The following INA variants were observed in gnomAD, a reference collection of about 807,000 sequenced individuals.
INA encodes the protein internexin neuronal intermediate filament protein alpha, also known as alpha-internexin.
Under a neutral mutation model 40.1 loss-of-function variants are expected in INA, and 35 were observed. The ratio of observed to expected loss-of-function variants is 0.87; its 90% confidence interval spans 0.67 to 1.16. The LOEUF is 1.16. INA is among the 50% of genes most tolerant of loss of function. INA has a pLI of 0.00. For synonymous variants in INA, 290 were observed against 316.9 expected (o/e 0.92, Z 0.90); for missense variants, 594 against 686.7 (o/e 0.87, Z 1.51).
intron 1 of INA, among the ~76,000 whole-genome samples, chr10:103,281,973 A>G (rs1447484126): frequency 6.6e-6 from 1 of 152,248 alleles, no homozygotes. Flanking sequence ...GGGAGGGGAC[A>G]GACTGCAGCG....
rs75831454 is a variant in INA at position 103,289,956 on chromosome 10, A to G, written c.*1287A>G. ...GGGGTCCTGCCGGAGAGGAAGAGAC[A>G]CTCAGACCAGAGAAGGGGTGTGCAT... On this transcript the variant is annotated 3_prime_UTR_variant, in exon 3 of 3. Coordinates refer to ENST00000369849, the MANE Select transcript of INA (RefSeq NM_032727.4). 5.9e-5 allele frequency: 9 copies of G among 152,802 alleles called. No individual in the cohort carries two copies. The East Asian group carries it at 1.7e-3, about 29-fold the overall frequency. 9.5% of individuals were successfully genotyped at this position (152,802 alleles called of 1,614,324 possible).
In INA at chr10:103,277,647, G is replaced by T; in HGVS notation, c.436G>T (p.Glu146Ter). The change falls in exon 1 of 3, where the codon GAG becomes TAG. Residue 146 changes from glutamate to a stop codon, truncating the protein, a stop_gained. Transcript: ENST00000369849. LOFTEE classifies it high-confidence loss of function. This position sits in a 1 kb window ranked among gnomAD's most constrained non-coding sequence, Gnocchi z 5.6. ...PSRVGELFQR[E>*]LRDLRAQLEE... ...GCGCGTCGGCGAGCTCTTCCAGCGC[G>T]AGCTGCGCGACCTGCGCGCGCAGCT... 9 of 1,407,938 alleles carry T rather than the reference G, an allele frequency of 6.4e-6. No homozygotes were observed. Among genetic ancestry groups the T allele is most frequent in the Non-Finnish European group, 8.3e-6 (9 of 1,087,886 alleles). The allele number at this position is 1,407,938 out of a possible 1,614,324, so 87.2% of individuals were successfully genotyped here.
rs2093066903 is a variant in INA, at chr10:103,278,895, G to A, written c.1065+619G>A. Among the ~76,000 whole-genome samples the A allele has an allele frequency of 1.2e-5, 1 of 81,936 alleles. No individual in the cohort carries two copies. Among genetic ancestry groups the A allele is most frequent in the Non-Finnish European group, 2.8e-5 (1 of 35,308 alleles). 53.8% of individuals were successfully genotyped at this position (81,936 alleles called of 152,430 possible). On this transcript the variant is annotated intron_variant, in intron 1 of 2. Coordinates refer to ENST00000369849, the MANE Select transcript of INA (RefSeq NM_032727.4). The surrounding 1 kb of genome is among the most constrained non-coding windows in gnomAD (Gnocchi z 4.9). The stretch of plus-strand genomic sequence containing the variant: ...ACACACACACACACACGATTCCCTT[G>A]TCCACCAGCACACACACACACACAC...
Position 103,289,137 on chromosome 10 carries a change from A to G in INA, c.*468A>G, listed in dbSNP as rs2093093812. Reference sequence around the variant, plus strand: ...CCACTCTGATAGAATTATTTCACAAATAATAGGTGTTTGTTTAATGGACAC... The same window carrying G: ...CCACTCTGATAGAATTATTTCACAAGTAATAGGTGTTTGTTTAATGGACAC... On this transcript the variant is annotated 3_prime_UTR_variant, in exon 3 of 3. Transcript: ENST00000369849. 1 of 153,336 alleles carries G rather than the reference A, an allele frequency of 6.5e-6. No individual in the cohort carries two copies. Among genetic ancestry groups the G allele is most frequent in the Non-Finnish European group, 1.5e-5 (1 of 68,692 alleles). The allele number at this position is 153,336 out of a possible 1,614,324, so 9.5% of individuals were successfully genotyped here.
Position 103,288,609 on chromosome 10 carries a change from T to C in INA, c.1440T>C (p.Ser480=), listed in dbSNP as rs1233787107. Residue 480 remains serine, a synonymous_variant, in exon 3 of 3, where the codon TCT becomes TCC. Transcript: ENST00000369849. ...FEEILEETVI[S]TKKTEKSNIE... is the part of the protein sequence containing the mutation. The stretch of plus-strand genomic sequence containing the variant: ...AAATATTAGAGGAGACAGTAATATC[T>C]ACTAAGAAAACCGAGAAATCAAATA... 1 of 1,601,554 alleles carries C rather than the reference T, an allele frequency of 6.2e-7. No homozygotes were observed. The highest frequency in any genetic ancestry group is 8.5e-7 in the Non-Finnish European group (1 of 1,176,294).
intron 1 of INA, among the ~76,000 whole-genome samples, chr10:103,284,673 G>T (rs1190965816): frequency 6.6e-6 from 1 of 151,880 alleles, no homozygotes; most frequent in African/African-American, 2.4e-5. Flanking sequence ...AGAATTACTT[G>T]AACCCAGGTG....
At chr10:103,283,005 T>A (rs1238299998) in intron 1 of INA, among the ~76,000 whole-genome samples, 1 of 152,214 alleles carries the variant, frequency 6.6e-6, no homozygotes, top group Non-Finnish European at 1.5e-5. Context: ...CATCATATAT[T>A]AATGTATATG....
intron 1 of INA, among the ~76,000 whole-genome samples, chr10:103,286,428 G>T (rs1592044801): frequency 6.6e-6 from 1 of 151,842 alleles, no homozygotes; most frequent in African/African-American, 2.4e-5. Flanking sequence ...CCATGCCTCG[G>T]TGTTTTAAAA....
chr10:103,284,130 C>T (rs771062396), intron 1 of INA, among the ~76,000 whole-genome samples: 4 of 144,908 alleles, frequency 2.8e-5, no homozygotes, highest in Non-Finnish European at 6.0e-5. Flanking sequence ...TTTTTTAAGA[C>T]GGGGTCTTGC....
At position 103,288,177 on chromosome 10, in the gene INA, C is replaced by T. The variant is rs182390135; in HGVS notation, c.1191-183C>T. 3.3e-5 allele frequency among the ~76,000 whole-genome samples: 5 copies of T among 151,980 alleles called. No homozygotes were observed. The East Asian group carries it at 5.8e-4, about 18-fold the overall frequency. On this transcript the variant is annotated intron_variant, in intron 2 of 2. Transcript: ENST00000369849. ...GGTGCTGAAGGGGGGTGTGTGTGTG[C>T]GCATGCGTATGCACGTGGTCCAACC...
At chr10:103,280,283 G>C (rs1272303682) in intron 1 of INA, 1 of 985,298 alleles carries the variant, frequency 1.0e-6, no homozygotes, top group Non-Finnish European at 1.2e-6. Context: ...GGAAGAGGAG[G>C]TCAGACAACA....
chr10:103,278,007 A>T lies in INA; in HGVS notation c.796A>T (p.Arg266Trp). ...TAAACCAGACCTGACCTCGGCTCTGAGGGAGATCCGCGCCCAGTATGAGTC... is the reference window on the plus strand; with the variant it reads ...TAAACCAGACCTGACCTCGGCTCTGTGGGAGATCCGCGCCCAGTATGAGTC... ...VAKPDLTSALREIRAQYESLA... is the reference protein window; with the variant it reads ...VAKPDLTSALWEIRAQYESLA... Residue 266 changes from arginine (R) to tryptophan (W), a missense_variant, in exon 1 of 3, where the codon AGG (arginine) becomes TGG (tryptophan). Arg to Trp is a moderately radical substitution (Grantham distance 101, BLOSUM62 -3). This residue lies in a region of INA where 379 missense variants were observed against 496.1 expected (regional missense o/e 0.76). Coordinates refer to ENST00000369849, the MANE Select transcript of INA (RefSeq NM_032727.4). The surrounding 1 kb of genome is among the most constrained non-coding windows in gnomAD (Gnocchi z 4.9). The T allele has an allele frequency of 6.2e-7, 1 of 1,605,540 alleles. No individual in the cohort carries two copies. The highest frequency in any genetic ancestry group is 8.5e-7 in the Non-Finnish European group (1 of 1,176,498).
At chr10:103,280,676 G>A (rs1286539983) in intron 1 of INA, 1 of 985,376 alleles carries the variant, frequency 1.0e-6, no homozygotes, top group Non-Finnish European at 1.2e-6. Flanking sequence ...CTTTTGAAAG[G>A]GTAAAAAATG....
chr10:103,286,250 G>A (rs7076274), intron 1 of INA, among the ~76,000 whole-genome samples: 40,100 of 147,202 alleles, frequency 0.27, 6,413 homozygotes, highest in South Asian at 0.49. Context: ...CAGGAAGATC[G>A]CTTGAGCCCA....
At chr10:103,279,859 G>A in intron 1 of INA, 1 of 1,014,064 alleles carries the variant, frequency 9.9e-7, no homozygotes. Flanking sequence ...TCCATAACTT[G>A]AACTTTTCAT....
rs1280411803 is a variant in INA, at chr10:103,277,208, C to A, written c.-4C>A. 3 of 1,574,304 alleles carry A rather than the reference C, an allele frequency of 1.9e-6. No individual in the cohort carries two copies. The highest frequency in any genetic ancestry group is 2.5e-5 in the East Asian group (1 of 39,634). On this transcript the variant is annotated 5_prime_UTR_variant, in exon 1 of 3. Coordinates refer to ENST00000369849, the MANE Select transcript of INA (RefSeq NM_032727.4). The surrounding 1 kb of genome is among the most constrained non-coding windows in gnomAD (Gnocchi z 5.6). ...GCCGCACGTCCGGCCCCGATCCCGG[C>A]ACCATGAGCTTCGGCTCGGAGCACT...
chr10:103,289,755 A>T lies in INA; in HGVS notation c.*1086A>T, dbSNP rs1286241518. 2.0e-5 allele frequency: 3 copies of T among 152,156 alleles called. No individual in the cohort carries two copies. Among genetic ancestry groups the T allele is most frequent in the African/African-American group, 7.2e-5 (3 of 41,424 alleles). The allele number at this position is 152,156 out of a possible 1,614,324, so 9.4% of individuals were successfully genotyped here. On this transcript the variant is annotated 3_prime_UTR_variant, in exon 3 of 3. Transcript: ENST00000369849. ...AAAGAGGCGTTGCTTTCACTCTCCTATGCCTTTTACGAGTGCTAAGTGTAG... is the reference window on the plus strand; with the variant it reads ...AAAGAGGCGTTGCTTTCACTCTCCTTTGCCTTTTACGAGTGCTAAGTGTAG...
chr10:103,277,822 A>G lies in INA; in HGVS notation c.611A>G (p.Asp204Gly), dbSNP rs199692271. 6.5e-7 allele frequency: 1 copy of G among 1,539,458 alleles called. No homozygotes were observed. The highest frequency in any genetic ancestry group is 2.5e-5 in the East Asian group (1 of 40,668). ...RALKAQQRDV[D>G]GATLARLDLE... ...CTGAAGGCGCAGCAGCGCGACGTGG[A>G]CGGCGCCACGCTGGCCCGCCTGGAC... is the stretch of plus-strand genomic sequence containing the variant. The change falls in exon 1 of 3, where the codon GAC becomes GGC. Residue 204 changes from aspartate to glycine, a missense_variant. Asp to Gly is a moderately conservative substitution (Grantham distance 94). Coordinates refer to ENST00000369849, the MANE Select transcript of INA (RefSeq NM_032727.4). This position sits in a 1 kb window ranked among gnomAD's most constrained non-coding sequence, Gnocchi z 5.6.
At chr10:103,285,480 G>T (rs1271616304) in intron 1 of INA, among the ~76,000 whole-genome samples, 1 of 148,174 alleles carries the variant, frequency 6.7e-6, no homozygotes, top group East Asian at 2.0e-4. Context: ...ACTTTTAGTA[G>T]AGACGGGGTT....
Sources: gnomAD v4.1 joint callset for allele counts (sites outside exome capture counted in the v4.1 genomes callset) on GRCh38, gnomAD v4.1.1 for gene constraint, gnomAD v4.1.1 regional missense constraint, Gnocchi (gnomAD v3.1) non-coding constraint, MANE v1.5 for transcripts, NCBI Gene and HGNC (gene_info 2026-07-23, HGNC 2026-07-21) for gene names.